KCNJ16: variants seen among roughly 807,000 people sequenced by gnomAD.
KCNJ16 encodes potassium inwardly rectifying channel subfamily J member 16.
In KCNJ16, 15 loss-of-function variants were observed where a neutral mutation model predicts 18.5. That is an observed-to-expected ratio of 0.81 (90% CI 0.54 to 1.25). The LOEUF (loss-of-function observed/expected upper bound fraction) is 1.25, where lower values mean the gene tolerates loss of function less well. KCNJ16 is among the 50% of genes most tolerant of loss of function. KCNJ16 has a pLI of 0.00. For synonymous variants in KCNJ16, 174 were observed against 186.5 expected (o/e 0.93, Z 0.55); for missense variants, 523 against 525.7 (o/e 0.99, Z 0.05).
intron 1 of KCNJ16, among the ~76,000 whole-genome samples, chr17:70,075,655 C>T (rs1031450837): frequency 6.6e-6 from 1 of 152,054 alleles, no homozygotes; most frequent in Non-Finnish European, 1.5e-5. Context: ...ACAGCCCTTG[C>T]CTGCTATTAT....
At chr17:70,131,531 G>C (rs1176415354) in intron 3 of KCNJ16, 14 of 945,072 alleles carry the variant, frequency 1.5e-5, no homozygotes, top group Non-Finnish European at 1.8e-5. Flanking sequence ...ATTATGATAT[G>C]AAAGTAGAAA....
At chr17:70,087,355 T>C (rs1014154330) in intron 1 of KCNJ16, among the ~76,000 whole-genome samples, 2 of 152,094 alleles carry the variant, frequency 1.3e-5, no homozygotes, top group African/African-American at 4.8e-5. Flanking sequence ...TTTCTTTCAT[T>C]TACCATCCAA....
intron 1 of KCNJ16, among the ~76,000 whole-genome samples, chr17:70,096,390 G>A (rs1296110556): frequency 1.3e-5 from 2 of 152,092 alleles, no homozygotes; most frequent in Non-Finnish European, 2.9e-5. Context: ...ATATAAGATT[G>A]TTTCCATTGA....
chr17:70,108,586 C>G (rs950421430), intron 2 of KCNJ16, among the ~76,000 whole-genome samples: 3 of 152,116 alleles, frequency 2.0e-5, no homozygotes, highest in Non-Finnish European at 4.4e-5. Flanking sequence ...GAAGGAGGGT[C>G]CTGTTCCACT....
intron 2 of KCNJ16, among the ~76,000 whole-genome samples, chr17:70,130,483 A>G (rs2074017721): frequency 6.6e-6 from 1 of 152,164 alleles, no homozygotes; most frequent in Admixed American, 6.6e-5. Context: ...TACATGCCTT[A>G]CGGGAGTTTG....
rs1481840150 is a variant in KCNJ16, at chr17:70,132,029, C to G, written c.-59C>G. ...GAAAACCCAAACCAAGAAATAGCAA[C>G]AAGTCTAGAATTCTTACTACTACAA... On this transcript the variant is annotated 5_prime_UTR_variant, in exon 4 of 4. Transcript: ENST00000392671. 8 of 1,605,556 alleles carry G rather than the reference C, an allele frequency of 5.0e-6. No individual in the cohort carries two copies. The Admixed American group carries it at 1.4e-4, about 27-fold the overall frequency.
chr17:70,094,752 T>C (rs2072274928), intron 1 of KCNJ16, among the ~76,000 whole-genome samples: 2 of 152,176 alleles, frequency 1.3e-5, no homozygotes, highest in South Asian at 4.1e-4. Flanking sequence ...TACATAGAAT[T>C]ACACTTGAAA....
chr17:70,097,339 TAGAA>T (rs372423961), intron 1 of KCNJ16, among the ~76,000 whole-genome samples: 520 of 152,282 alleles, frequency 3.4e-3, no homozygotes, highest in Non-Finnish European at 5.9e-3. Context: ...CTGTTTTTGT[TAGAA>T]AGGCCATTTA....
chr17:70,133,325 C>A lies in KCNJ16; in HGVS notation c.1238C>A (p.Ser413Tyr). Reference protein sequence around the residue: ...QKALLTLNRISVESQM With the variant: ...QKALLTLNRIYVESQM ...GCTCTCCTGACTTTAAACAGAATCT[C>A]TGTAGAATCCCAAATGTAGTCCTAA... The change falls in exon 4 of 4, where the codon TCT becomes TAT. Residue 413 changes from serine (S) to tyrosine (Y), a missense_variant. By Grantham distance (144) the Ser-to-Tyr change is moderately radical (BLOSUM62 -2). Coordinates refer to ENST00000392671, the MANE Select transcript of KCNJ16 (RefSeq NM_170741.4). The A allele has an allele frequency of 6.2e-7, 1 of 1,611,788 alleles. No homozygotes were observed. The highest frequency in any genetic ancestry group is 8.5e-7 in the Non-Finnish European group (1 of 1,178,348).
chr17:70,094,040 T>G (rs6501368), intron 1 of KCNJ16, among the ~76,000 whole-genome samples: 129,043 of 152,086 alleles, frequency 0.85, 54,823 homozygotes, highest in East Asian at 0.96. Context: ...TCAAAAATAT[T>G]TATCCTATAA....
intron 2 of KCNJ16, among the ~76,000 whole-genome samples, chr17:70,120,212 G>C (rs2073576699): frequency 6.6e-6 from 1 of 152,148 alleles, no homozygotes; most frequent in African/African-American, 2.4e-5. Context: ...TTCCATCTGA[G>C]ACCGTGTCAG....
chr17:70,099,762 C>T (rs537059635), intron 1 of KCNJ16, among the ~76,000 whole-genome samples: 1 of 152,134 alleles, frequency 6.6e-6, no homozygotes, highest in Non-Finnish European at 1.5e-5. Context: ...ATAATTCGCT[C>T]AAATTCACAC....
chr17:70,130,323 T>A (rs2074011672), intron 2 of KCNJ16, among the ~76,000 whole-genome samples: 15 of 152,226 alleles, frequency 9.9e-5, no homozygotes, highest in Admixed American at 9.8e-4. Flanking sequence ...GTAAGCATTT[T>A]CGCAGCCCTA....
chr17:70,079,195 T>G (rs1412848156), intron 1 of KCNJ16, among the ~76,000 whole-genome samples: 2 of 152,140 alleles, frequency 1.3e-5, no homozygotes, highest in Non-Finnish European at 2.9e-5. Flanking sequence ...GACATTGCAG[T>G]ATTGAGTTCA....
Position 70,130,864 on chromosome 17 carries a change from G to C in KCNJ16, c.-190-15G>C, listed in dbSNP as rs1189672994. 9.1e-7 allele frequency: 1 copy of C among 1,093,174 alleles called. No individual in the cohort carries two copies. Among genetic ancestry groups the C allele is most frequent in the Non-Finnish European group, 1.3e-6 (1 of 745,856 alleles). The allele number at this position is 1,093,174 out of a possible 1,614,324, so 67.7% of individuals were successfully genotyped here. ...AATTGGCTACAATACTTTTATTTTT[G>C]TTTGTTTTGCACAGGAGTAACTCAA... On this transcript the variant is annotated splice_polypyrimidine_tract_variant and intron_variant, in intron 2 of 3. Coordinates refer to ENST00000392671, the MANE Select transcript of KCNJ16 (RefSeq NM_170741.4).
intron 2 of KCNJ16, among the ~76,000 whole-genome samples, chr17:70,125,755 C>T (rs1037958849): frequency 1.3e-5 from 2 of 152,040 alleles, no homozygotes; most frequent in African/African-American, 4.8e-5. Flanking sequence ...ATGGTGAAAC[C>T]CCATCTCTAC....
intron 2 of KCNJ16, among the ~76,000 whole-genome samples, chr17:70,103,367 A>G (rs1168854012): frequency 1.4e-5 from 2 of 143,132 alleles, no homozygotes; most frequent in African/African-American, 2.6e-5. Flanking sequence ...GCGTCTCACT[A>G]TTTTGCCCAG....
chr17:70,092,919 G>A lies in KCNJ16; in HGVS notation c.-299-7739G>A, dbSNP rs571492719. On this transcript the variant is annotated intron_variant, in intron 1 of 3. Transcript: ENST00000392671. ...ATTGCATGATGCCCCCCACATTAGC[G>A]AGGGCATTCTTTACTCAGTCTACTG... Among the ~76,000 whole-genome samples the A allele has an allele frequency of 1.8e-4, 28 of 152,214 alleles. No homozygotes were observed. In the South Asian group the frequency reaches 5.8e-3, roughly 32 times the overall value.
intron 2 of KCNJ16, among the ~76,000 whole-genome samples, chr17:70,121,166 A>T (rs1159686685): frequency 6.6e-6 from 1 of 152,174 alleles, no homozygotes; most frequent in African/African-American, 2.4e-5. Flanking sequence ...ATGACAATTA[A>T]GAAGTTCTTT....
Sources: gnomAD v4.1 joint callset for allele counts (sites outside exome capture counted in the v4.1 genomes callset) on GRCh38, gnomAD v4.1.1 for gene constraint, MANE v1.5 for transcripts, NCBI Gene and HGNC (gene_info 2026-07-23, HGNC 2026-07-21) for gene names.